Variants in SLC6A18 observed in about 807,000 individuals in gnomAD.
SLC6A18 encodes the protein inactive sodium-dependent neutral amino acid transporter B(0)AT3.
In SLC6A18, 58 loss-of-function variants were observed where a neutral mutation model predicts 62.9. That is an observed-to-expected ratio of 0.92 (90% CI 0.75 to 1.15). The LOEUF (loss-of-function observed/expected upper bound fraction) is 1.15, where lower values mean the gene tolerates loss of function less well. Ranked by LOEUF, SLC6A18 falls within the 50% of genes most tolerant of loss-of-function variation. The probability of loss-of-function intolerance (pLI) is 0.00; values close to 1 mark genes in which losing one functional copy is unlikely to be tolerated. For synonymous variants in SLC6A18, 382 were observed against 365.8 expected (o/e 1.04, Z -0.51); for missense variants, 793 against 836.6 (o/e 0.95, Z 0.64).
chr5:1,233,563 T>A (rs894304663), intron 3 of SLC6A18, among the ~76,000 whole-genome samples: 1 of 150,716 alleles, frequency 6.6e-6, no homozygotes, highest in Non-Finnish European at 1.5e-5. Context: ...CCTCGAGACA[T>A]GAATGACAGT....
chr5:1,244,113 G>A (rs1319759320), intron 9 of SLC6A18, 101 bp from the exon 10 acceptor site: 11 of 1,030,784 alleles, frequency 1.1e-5, no homozygotes, highest in East Asian at 2.5e-5. Flanking sequence ...GGCCCTCCCC[G>A]CTGTCCGAGG....
chr5:1,233,947 T>C lies in SLC6A18; in HGVS notation c.439+1059T>C, dbSNP rs889360722. Among the ~76,000 whole-genome samples, 12 of 152,100 alleles carry C rather than the reference T, an allele frequency of 7.9e-5. No individual in the cohort carries two copies. The South Asian group carries it at 8.3e-4, about 11-fold the overall frequency. ...TAGTAGAGACGGGGTTTCACCATGT[T>C]AGCCAGGATGGTCTCGATCTCCTGA... is the stretch of plus-strand genomic sequence containing the variant. On this transcript the variant is annotated intron_variant, in intron 3 of 11. Coordinates refer to ENST00000324642, the MANE Select transcript of SLC6A18 (RefSeq NM_182632.3).
intron 7 of SLC6A18, 60 bp from the exon 8 acceptor site, chr5:1,242,646 GT>G: frequency 6.5e-7 from 1 of 1,545,170 alleles, no homozygotes; most frequent in Non-Finnish European, 8.8e-7. Flanking sequence ...CCAACCAAGG[GT>G]TTCTCTGGAT....
intron 1 of SLC6A18, among the ~76,000 whole-genome samples, chr5:1,227,134 CCTTGCCCGCCGATGACTTGCCCGCCGAT>C (rs1179662233): frequency 2.7e-4 from 34 of 126,258 alleles, no homozygotes; most frequent in Non-Finnish European, 5.3e-4. Flanking sequence ...CCCGTCGATG[CCTTGCCCGCCGATGACTTGCCCGCCGAT>C]GCCTTGCCCG....
rs375551554 is a variant in SLC6A18, at chr5:1,242,055, C to A, written c.975-652C>A. 2.8e-4 allele frequency among the ~76,000 whole-genome samples: 32 copies of A among 114,126 alleles called. No homozygotes were observed. The East Asian group carries it at 8.2e-3, about 29-fold the overall frequency. 74.9% of individuals were successfully genotyped at this position (114,126 alleles called of 152,430 possible). A position where few individuals can be genotyped will look rare whatever the true frequency, so the allele number is the denominator to read the frequency against. ...CCTTAAGCCCTGAGGACAGAAGGAG[C>A]CTTTGGCAGTGGAGACAGAAGGGTG... On this transcript the variant is annotated intron_variant, in intron 7 of 11. Transcript: ENST00000324642.
chr5:1,244,161 A>T, intron 9 of SLC6A18, 53 bp from the exon 10 acceptor site: 1 of 1,010,346 alleles, frequency 9.9e-7, no homozygotes. Flanking sequence ...GACCCTCCCC[A>T]CACCTCCACT....
rs557332884 is a variant in SLC6A18 at position 1,234,058 on chromosome 5, A to AT, written c.439+1176dup. On this transcript the variant is annotated intron_variant, in intron 3 of 11. Coordinates refer to ENST00000324642, the MANE Select transcript of SLC6A18 (RefSeq NM_182632.3). Reference sequence around the variant, plus strand: ...GCCCGGCCAGCACCCAGCTAATTTTATTTTTTGTAGAGACGGGGTCTCAAT... The same window carrying AT: ...GCCCGGCCAGCACCCAGCTAATTTTATTTTTTTGTAGAGACGGGGTCTCAAT... 1.3e-4 allele frequency among the ~76,000 whole-genome samples: 20 copies of AT among 152,080 alleles called. No individual in the cohort carries two copies. In the East Asian group the frequency reaches 2.7e-3, roughly 21 times the overall value.
At chr5:1,229,558 C>A (rs947263199) in intron 1 of SLC6A18, among the ~76,000 whole-genome samples, 3 of 152,198 alleles carry the variant, frequency 2.0e-5, no homozygotes, top group African/African-American at 7.2e-5. Flanking sequence ...CTGCAGTGCT[C>A]CCTGGACAGT....
At chr5:1,232,974 G>T in intron 3 of SLC6A18, 86 bp downstream of exon 3, 2 of 1,515,066 alleles carry the variant, frequency 1.3e-6, no homozygotes, top group Non-Finnish European at 8.9e-7. Context: ...GAGCAGCTGC[G>T]GGTGGCGGAT....
rs1193724981 is a variant in SLC6A18, at chr5:1,241,772, T to C, written c.975-935T>C. 6.6e-6 allele frequency among the ~76,000 whole-genome samples: 1 copy of C among 152,164 alleles called. No individual in the cohort carries two copies. Among genetic ancestry groups the C allele is most frequent in the Non-Finnish European group, 1.5e-5 (1 of 68,026 alleles). ...GCGGGCAACTCTGATTTCTGCTCAC[T>C]CTGAATGTCGCAAGTAACTGTAAAA... On this transcript the variant is annotated intron_variant, in intron 7 of 11. Coordinates refer to ENST00000324642, the MANE Select transcript of SLC6A18 (RefSeq NM_182632.3). The surrounding 1 kb of genome is among the most constrained non-coding windows in gnomAD (Gnocchi z 7.8).
chr5:1,244,479 G>A, intron 10 of SLC6A18, 106 bp downstream of exon 10: 2 of 1,559,390 alleles, frequency 1.3e-6, no homozygotes, highest in Non-Finnish European at 1.7e-6. Context: ...CGCCGAGAAT[G>A]TTCTGCCCTG....
At position 1,240,447 on chromosome 5, in the gene SLC6A18, G is replaced by C. The variant is rs570043403; in HGVS notation, c.846-84G>C. 5 of 1,577,664 alleles carry C rather than the reference G, an allele frequency of 3.2e-6. No individual in the cohort carries two copies. The East Asian group carries it at 6.8e-5, about 21-fold the overall frequency. On this transcript the variant is annotated intron_variant, in intron 6 of 11. Transcript: ENST00000324642. ...CCCAGGCGGGAGAGAGGGTCAAGGA[G>C]GGAAGCCCCCTCCTCACTTCCTCCC...
In SLC6A18 at chr5:1,243,595, A is replaced by G; in HGVS notation, c.1172A>G (p.Glu391Gly). The change falls in exon 9 of 12, where the codon GAG becomes GGG. Residue 391 changes from glutamate (E) to glycine (G), a missense_variant. By Grantham distance (98) the Glu-to-Gly change is moderately conservative (BLOSUM62 -2). Coordinates refer to ENST00000324642, the MANE Select transcript of SLC6A18 (RefSeq NM_182632.3). This position sits in a 1 kb window ranked among gnomAD's most constrained non-coding sequence, Gnocchi z 6.5. ...GGCCTGGCCTTCGTCGTCTTCACGG[A>G]GACCGACCTCCACATGCCGGGGGCT... ...GPGLAFVVFTETDLHMPGAPV... is the reference protein window; with the variant it reads ...GPGLAFVVFTGTDLHMPGAPV... 5 of 1,613,946 alleles carry G rather than the reference A, an allele frequency of 3.1e-6. No homozygotes were observed. Among genetic ancestry groups the G allele is most frequent in the Non-Finnish European group, 4.2e-6 (5 of 1,179,988 alleles).
rs754615172 is a variant in SLC6A18 at position 1,242,793 on chromosome 5, A to G, written c.1061A>G (p.Asn354Ser). 2.1e-5 allele frequency: 34 copies of G among 1,613,900 alleles called. No homozygotes were observed. Among genetic ancestry groups the G allele is most frequent in the South Asian group, 8.8e-5 (8 of 91,054 alleles). ...TACCCAGCCGTCCTCATGCACCTGA[A>G]CGCCACCTGGCCCAAGAGGGTGGCC... ...DDYPAVLMHL[N>S]ATWPKRVAQL... Residue 354 changes from asparagine to serine, a missense_variant, in exon 8 of 12, where the codon AAC (asparagine) becomes AGC (serine). Coordinates refer to ENST00000324642, the MANE Select transcript of SLC6A18 (RefSeq NM_182632.3).
chr5:1,236,652 G>C (rs1429938111), intron 4 of SLC6A18, among the ~76,000 whole-genome samples: 1 of 152,110 alleles, frequency 6.6e-6, no homozygotes, highest in East Asian at 1.9e-4. Context: ...TCAAATGACG[G>C]TGCTCAGTCC....
At chr5:1,232,920 G>T (rs543255070) in intron 3 of SLC6A18, 32 bp downstream of exon 3, 2 of 1,585,038 alleles carry the variant, frequency 1.3e-6, no homozygotes, top group East Asian at 4.5e-5. Context: ...GTGTGGGTCC[G>T]TGCACGGCCG....
chr5:1,235,690 C>G (rs776614473), intron 4 of SLC6A18, 28 bp downstream of exon 4: 6 of 1,611,710 alleles, frequency 3.7e-6, no homozygotes, highest in Non-Finnish European at 5.1e-6. Context: ...CTGATCCCCT[C>G]TCTTGCTTCC....
chr5:1,244,558 G>T (rs762984228), intron 10 of SLC6A18, 50 bp from the exon 11 acceptor site: 2 of 1,559,394 alleles, frequency 1.3e-6, no homozygotes, highest in South Asian at 1.2e-5. Flanking sequence ...GCTTGGAGTG[G>T]GTGGACCTTC....
At chr5:1,230,748 T>C (rs900309164) in intron 1 of SLC6A18, among the ~76,000 whole-genome samples, 3 of 150,616 alleles carry the variant, frequency 2.0e-5, no homozygotes, top group Non-Finnish European at 4.4e-5. Flanking sequence ...CGGGGAAGAG[T>C]GTGGGCAGCC....
Sources: allele counts gnomAD v4.1 joint callset (sites outside exome capture counted in the v4.1 genomes callset), GRCh38; gene constraint gnomAD v4.1.1; non-coding constraint Gnocchi (gnomAD v3.1); transcripts MANE v1.5; gene names NCBI Gene and HGNC (gene_info 2026-07-23, HGNC 2026-07-21).